Variants in PPP1R37 observed in about 807,000 individuals in gnomAD.
The protein encoded by PPP1R37 is protein phosphatase 1 regulatory subunit 37, also known as leucine rich repeat containing 68.
PPP1R37 carries 21 observed loss-of-function variants against 61.0 expected under a neutral mutation model. That is an observed-to-expected ratio of 0.34 (90% CI 0.24 to 0.50). The LOEUF (loss-of-function observed/expected upper bound fraction) is 0.50. Ranked by LOEUF, PPP1R37 falls within the 20% of genes least tolerant of loss-of-function variation. The probability of loss-of-function intolerance (pLI) is 0.98; values close to 1 mark genes in which losing one functional copy is unlikely to be tolerated. For synonymous variants in PPP1R37, 443 were observed against 433.5 expected (o/e 1.02, Z -0.27); for missense variants, 910 against 952.7 (o/e 0.96, Z 0.59).
In PPP1R37 at chr19:45,146,765, A is replaced by G. The variant is rs369194845; in HGVS notation, c.*203A>G. The G allele has an allele frequency of 4.5e-4, 159 of 354,458 alleles. No homozygotes were observed. Among genetic ancestry groups the G allele is most frequent in the South Asian group, 4.0e-3 (153 of 37,926 alleles). 22.0% of individuals were successfully genotyped at this position (354,458 alleles called of 1,614,324 possible). On this transcript the variant is annotated 3_prime_UTR_variant, in exon 13 of 13. Transcript: ENST00000221462. ...CTCCGCGCGTGACTCAAGCACTTCT[A>G]TTTATGAGCCCAGCACTGGAAGACT...
intron 1 of PPP1R37, among the ~76,000 whole-genome samples, chr19:45,129,329 C>A (rs1031551973): frequency 6.6e-6 from 1 of 152,112 alleles, no homozygotes; most frequent in African/African-American, 2.4e-5. Flanking sequence ...GACAGAGTCT[C>A]ACTCTGTTGC....
intron 7 of PPP1R37, chr19:45,142,849 G>A (rs1176577011): frequency 9.2e-6 from 2 of 217,318 alleles, no homozygotes; most frequent in Non-Finnish European, 1.8e-5. Flanking sequence ...GGGGCCTCTG[G>A]GCTTCCATCC....
At chr19:45,143,312 C>A in intron 7 of PPP1R37, 2 of 520,360 alleles carry the variant, frequency 3.8e-6, no homozygotes, top group Non-Finnish European at 6.9e-6. Context: ...TCAGAAGCAT[C>A]TGGTGGAGGC....
chr19:45,093,543 G>A lies in PPP1R37; in HGVS notation c.202+16G>A. 6.6e-7 allele frequency: 1 copy of A among 1,525,646 alleles called. No individual in the cohort carries two copies. The highest frequency in any genetic ancestry group is 8.8e-7 in the Non-Finnish European group (1 of 1,139,262). 94.5% of individuals were successfully genotyped at this position (1,525,646 alleles called of 1,614,324 possible). A position where few individuals can be genotyped will look rare whatever the true frequency, so the allele number is the denominator to read the frequency against. ...TGGAGACATGGTAGCTACCGCGGGT[G>A]AAGCGGGGGCGGGCTCGAGAGGGAC... On this transcript the variant is annotated intron_variant, in intron 1 of 12. Transcript: ENST00000221462.
At chr19:45,115,011 A>G (rs1968247051) in intron 1 of PPP1R37, among the ~76,000 whole-genome samples, 1 of 152,118 alleles carries the variant, frequency 6.6e-6, no homozygotes, top group South Asian at 2.1e-4. Flanking sequence ...ATTAGTCTCC[A>G]CCACAGGATT....
chr19:45,129,745 C>T (rs1968452994), intron 1 of PPP1R37, among the ~76,000 whole-genome samples: 1 of 152,204 alleles, frequency 6.6e-6, no homozygotes, highest in South Asian at 2.1e-4. Context: ...AAGGCCAGCC[C>T]CCTGCCGTAC....
intron 1 of PPP1R37, among the ~76,000 whole-genome samples, chr19:45,135,545 TGTGGAGA>T: frequency 6.6e-6 from 1 of 152,286 alleles, no homozygotes; most frequent in Non-Finnish European, 1.5e-5. Context: ...GAAGCTGAAA[TGTGGAGA>T]GTTGAGAGTG....
chr19:45,145,881 G>A lies in PPP1R37; in HGVS notation c.1825G>A (p.Ala609Thr). The A allele has an allele frequency of 6.8e-7, 1 of 1,461,124 alleles. No individual in the cohort carries two copies. Among genetic ancestry groups the A allele is most frequent in the African/African-American group, 1.4e-5 (1 of 69,932 alleles). 90.5% of individuals were successfully genotyped at this position (1,461,124 alleles called of 1,614,324 possible). The change falls in exon 11 of 13, where the codon GCC becomes ACC. Residue 609 changes from alanine (A) to threonine (T), a missense_variant. By Grantham distance (58) the Ala-to-Thr change is moderately conservative (BLOSUM62 0). Coordinates refer to ENST00000221462, the MANE Select transcript of PPP1R37 (RefSeq NM_019121.2). ...CTCACCTTCCCTACCACCAGCCGGGGCCATTGACACCCGGGACACAGGGTC... is the reference window on the plus strand; with the variant it reads ...CTCACCTTCCCTACCACCAGCCGGGACCATTGACACCCGGGACACAGGGTC... ...PASPSLPPAG[A>T]IDTRDTGSSE...
At chr19:45,143,709 C>G in intron 8 of PPP1R37, 76 bp downstream of exon 8, 1 of 844,076 alleles carries the variant, frequency 1.2e-6, no homozygotes, top group Admixed American at 2.2e-5. Context: ...AGCACAGTTG[C>G]CTCTAGCTGA....
At chr19:45,103,472 C>G (rs1968089547) in intron 1 of PPP1R37, among the ~76,000 whole-genome samples, 1 of 152,216 alleles carries the variant, frequency 6.6e-6, no homozygotes, top group Non-Finnish European at 1.5e-5. Context: ...CGTGTGCCAC[C>G]TTCACACCCA....
At chr19:45,141,569 G>A in intron 5 of PPP1R37, 128 bp downstream of exon 5, 1 of 1,251,770 alleles carries the variant, frequency 8.0e-7, no homozygotes, top group Non-Finnish European at 1.1e-6. Context: ...GGGGATGCTG[G>A]GCCTGGCCCT....
intron 1 of PPP1R37, chr19:45,128,581 T>C: frequency 7.9e-7 from 1 of 1,265,130 alleles, no homozygotes; most frequent in Non-Finnish European, 1.1e-6. Flanking sequence ...GCAGATGATT[T>C]GGACTTCGAG....
chr19:45,110,985 C>A (rs1397924092), intron 1 of PPP1R37, among the ~76,000 whole-genome samples: 1 of 152,158 alleles, frequency 6.6e-6, no homozygotes, highest in Admixed American at 6.5e-5. Context: ...CAGAGGCCCC[C>A]TTTCCCGAGC....
Position 45,145,412 on chromosome 19 carries a change from G to C in PPP1R37, c.1356G>C (p.Lys452Asn), listed in dbSNP as rs763212607. Residue 452 changes from lysine to asparagine, a missense_variant, in exon 11 of 13, where the codon AAG becomes AAC. Around this residue, in one of 3 missense-constraint regions of PPP1R37, gnomAD observed 549 missense variants for 505.1 expected, o/e 1.09. Transcript: ENST00000221462. ...TGGCCGAGATCCAGAACGGCTGCAA[G>C]CGCAACTTGGTGCTGGCGCGGGAGA... The part of the protein sequence containing the change: ...ALLAEIQNGC[K>N]RNLVLARERE... 1 of 1,535,448 alleles carries C rather than the reference G, an allele frequency of 6.5e-7. No homozygotes were observed. The highest frequency in any genetic ancestry group is 1.2e-5 in the South Asian group (1 of 84,056).
At chr19:45,114,456 C>G (rs1034102108) in intron 1 of PPP1R37, among the ~76,000 whole-genome samples, 1 of 148,446 alleles carries the variant, frequency 6.7e-6, no homozygotes, top group Non-Finnish European at 1.5e-5. Context: ...CCCCCTGACC[C>G]GGGCAGCTCA....
chr19:45,121,684 A>C lies in PPP1R37; in HGVS notation c.203-16830A>C, dbSNP rs530650391. ...GGGGCTGGTGTGAGCCCTGCTCTTG[A>C]GGGGCCTCTGGATGCCCGCGGTGGG... is the stretch of plus-strand genomic sequence containing the variant. On this transcript the variant is annotated intron_variant, in intron 1 of 12. Coordinates refer to ENST00000221462, the MANE Select transcript of PPP1R37 (RefSeq NM_019121.2). The surrounding 1 kb of genome is among the most constrained non-coding windows in gnomAD (Gnocchi z 4.2). Among the ~76,000 whole-genome samples the C allele has an allele frequency of 6.6e-6, 1 of 152,256 alleles. No individual in the cohort carries two copies. The highest frequency in any genetic ancestry group is 2.4e-5 in the African/African-American group (1 of 41,548).
At chr19:45,099,705 C>G (rs1019264190) in intron 1 of PPP1R37, among the ~76,000 whole-genome samples, 5 of 152,268 alleles carry the variant, frequency 3.3e-5, no homozygotes, top group African/African-American at 1.2e-4. Flanking sequence ...GTATGAGTCA[C>G]CTCTGTGACC....
At chr19:45,094,441 G>A (rs977747886) in intron 1 of PPP1R37, among the ~76,000 whole-genome samples, 2 of 152,172 alleles carry the variant, frequency 1.3e-5, no homozygotes, top group African/African-American at 4.8e-5. Flanking sequence ...AAGAATTGGG[G>A]GATGGCCGGG....
intron 1 of PPP1R37, chr19:45,108,620 G>C (rs1454340997): frequency 6.9e-6 from 1 of 144,350 alleles, no homozygotes; most frequent in African/African-American, 2.6e-5. Flanking sequence ...CTTCGGTTTT[G>C]TTTGTTTGTT....
Sources: gnomAD v4.1 joint callset for allele counts (sites outside exome capture counted in the v4.1 genomes callset) on GRCh38, gnomAD v4.1.1 for gene constraint, gnomAD v4.1.1 regional missense constraint, Gnocchi (gnomAD v3.1) non-coding constraint, MANE v1.5 for transcripts, NCBI Gene and HGNC (gene_info 2026-07-23, HGNC 2026-07-21) for gene names.